The following DCN variants were observed in gnomAD, a reference collection of about 807,000 sequenced individuals.
The protein encoded by DCN is decorin.
Under a neutral mutation model 36.5 loss-of-function variants are expected in DCN, and 17 were observed. That is an observed-to-expected ratio of 0.47 (90% CI 0.32 to 0.70). The LOEUF is 0.70. Among genes scored for constraint, DCN ranks in the 30% least tolerant of loss-of-function variants. The pLI is 0.04. For synonymous variants in DCN, 163 were observed against 161.4 expected, an observed-to-expected ratio of 1.01 and a Z score of -0.07; for missense variants, 389 against 430.1, an observed-to-expected ratio of 0.90 and a Z score of 0.84.
intron 1 of DCN, chr12:91,180,708 CTT>C (rs776960530): frequency 1.2e-4 from 19 of 152,098 alleles, no homozygotes; most frequent in Non-Finnish European, 2.2e-4. Context: ...TAAGAGAAGA[CTT>C]TTGTTTTGGC....
intron 3 of DCN, among the ~76,000 whole-genome samples, chr12:91,158,967 A>G (rs966520148): frequency 4.6e-5 from 7 of 152,332 alleles, no homozygotes; most frequent in Admixed American, 1.3e-4. Context: ...CTCAAAAAAA[A>G]AAAAAGTTAT....
intron 5 of DCN, among the ~76,000 whole-genome samples, chr12:91,154,016 A>C (rs1045090495): frequency 2.0e-5 from 3 of 152,136 alleles, no homozygotes; most frequent in African/African-American, 7.2e-5. Flanking sequence ...TCCACTTAAT[A>C]GCAATAGATA....
intron 5 of DCN, among the ~76,000 whole-genome samples, chr12:91,153,670 G>A (rs1056208953): frequency 6.6e-6 from 1 of 152,068 alleles, no homozygotes; most frequent in African/African-American, 2.4e-5. Flanking sequence ...ATACTGTGCT[G>A]GTCTTAGCCT....
intron 2 of DCN, among the ~76,000 whole-genome samples, chr12:91,173,212 C>A (rs184356687): frequency 9.8e-4 from 149 of 152,148 alleles, no homozygotes; most frequent in African/African-American, 3.4e-3. Flanking sequence ...CTCTTTTACC[C>A]AGGGAATTGA....
chr12:91,152,314 T>C lies in DCN; in HGVS notation c.747-522A>G, dbSNP rs7965489. On this transcript the variant is annotated intron_variant, in intron 6 of 7. Coordinates refer to ENST00000052754, the MANE Select transcript of DCN (RefSeq NM_001920.5). ...ACACACACATGCATATATATATATA[T>C]ACACATTCAAAGATATATTTTATAT... Among the ~76,000 whole-genome samples the C allele has an allele frequency of 8.6e-5, 13 of 152,006 alleles. No homozygotes were observed. In the South Asian group the frequency reaches 1.0e-3, roughly 12 times the overall value.
In DCN at chr12:91,159,324, G is replaced by T. The variant is rs11106021; in HGVS notation, c.325-815C>A. On this transcript the variant is annotated intron_variant, in intron 3 of 7. Coordinates refer to ENST00000052754, the MANE Select transcript of DCN (RefSeq NM_001920.5). Reference sequence around the variant, plus strand: ...ATTTTCCCGTAGCCTTGCAATATTTGATATTATGTTTCTTAAGAGTATGGC... The same window carrying T: ...ATTTTCCCGTAGCCTTGCAATATTTTATATTATGTTTCTTAAGAGTATGGC... Among the ~76,000 whole-genome samples the T allele has an allele frequency of 7.5e-3, 1,136 of 152,052 alleles. 45 individuals carry two copies. In the East Asian group the frequency reaches 0.11, roughly 15 times the overall value.
Position 91,142,759 on chromosome 12 carries a change from G to A in DCN, c.*3299C>T, listed in dbSNP as rs1031990519. 2 of 152,154 alleles carry A rather than the reference G, an allele frequency of 1.3e-5. No homozygotes were observed. The highest frequency in any genetic ancestry group is 4.8e-5 in the African/African-American group (2 of 41,432). 9.4% of individuals were successfully genotyped at this position (152,154 alleles called of 1,614,324 possible). On this transcript the variant is annotated 3_prime_UTR_variant, in exon 8 of 8. Transcript: ENST00000052754. ...GTACAACAGAGGCCTTTCCAACCAG[G>A]AGGGGTCAGAGACAAATTTTTAAGT...
intron 3 of DCN, among the ~76,000 whole-genome samples, chr12:91,163,836 T>G (rs1882319305): frequency 6.6e-6 from 1 of 152,120 alleles, no homozygotes; most frequent in Non-Finnish European, 1.5e-5. Flanking sequence ...ACACCTCTCT[T>G]AGAAAATGCA....
rs1880867443 is a variant in DCN, at chr12:91,144,004, T to A, written c.*2054A>T. 1 of 151,966 alleles carries A rather than the reference T, an allele frequency of 6.6e-6. No individual in the cohort carries two copies. Among genetic ancestry groups the A allele is most frequent in the Non-Finnish European group, 1.5e-5 (1 of 67,968 alleles). 9.4% of individuals were successfully genotyped at this position (151,966 alleles called of 1,614,324 possible). ...TTGACTACTGGAAAAGTGTGTTGGA[T>A]CTGCCTTGCAGATAAGTGTCCAAAA... On this transcript the variant is annotated 3_prime_UTR_variant, in exon 8 of 8. Transcript: ENST00000052754.
chr12:91,165,366 A>G lies in DCN; in HGVS notation c.212-649T>C, dbSNP rs150470281. ...AATGAAATAAATTGGGTAGTATGAC[A>G]TATCTGAAATTAATTTTATGAAGCA... On this transcript the variant is annotated intron_variant, in intron 2 of 7. Transcript: ENST00000052754. Among the ~76,000 whole-genome samples, 228 of 152,326 alleles carry G rather than the reference A, an allele frequency of 1.5e-3. 1 individual carries two copies. Among genetic ancestry groups the G allele is most frequent in the African/African-American group, 5.0e-3 (209 of 41,586 alleles).
chr12:91,169,282 G>C (rs1427794339), intron 2 of DCN, among the ~76,000 whole-genome samples: 3 of 149,678 alleles, frequency 2.0e-5, no homozygotes, highest in Admixed American at 6.7e-5. Flanking sequence ...CCATCTACTC[G>C]GGAAGGAGGA....
intron 2 of DCN, among the ~76,000 whole-genome samples, chr12:91,174,280 GATGGTA>G (rs1565788552): frequency 6.6e-6 from 1 of 151,970 alleles, no homozygotes; most frequent in African/African-American, 2.4e-5. Context: ...GGTGGAGAGA[GATGGTA>G]CTATTTTGTG....
intron 4 of DCN, among the ~76,000 whole-genome samples, chr12:91,157,417 G>C (rs1371114958): frequency 6.6e-6 from 1 of 152,034 alleles, no homozygotes; most frequent in Admixed American, 6.6e-5. Context: ...GAATAATAAT[G>C]ACTTATGAAA....
chr12:91,169,567 G>C (rs1210081053), intron 2 of DCN: 1 of 151,890 alleles, frequency 6.6e-6, no homozygotes, highest in African/African-American at 2.4e-5. Context: ...TCTGGAATTT[G>C]CTTCAAAATG....
At chr12:91,164,400 C>CAAAAAAAAAA (rs5799980) in intron 3 of DCN, among the ~76,000 whole-genome samples, 2 of 78,916 alleles carry the variant, frequency 2.5e-5, no homozygotes, top group East Asian at 5.3e-4. Flanking sequence ...AAGCATAATT[C>CAAAAAAAAAA]AAAAAAAAAA....
At chr12:91,156,979 C>T (rs1229433393) in intron 5 of DCN, 96 bp downstream of exon 5, 1 of 843,074 alleles carries the variant, frequency 1.2e-6, no homozygotes, top group Non-Finnish European at 2.0e-6. Flanking sequence ...AGGTTGGCCT[C>T]TTAGGTGACA....
intron 3 of DCN, among the ~76,000 whole-genome samples, chr12:91,159,453 T>C (rs1882020221): frequency 6.6e-6 from 1 of 152,158 alleles, no homozygotes; most frequent in South Asian, 2.1e-4. Flanking sequence ...TATTGTATTT[T>C]TTGGAGAGAG....
Position 91,146,258 on chromosome 12 carries a change from A to T in DCN, c.886-6T>A. The T allele has an allele frequency of 7.7e-6, 12 of 1,558,092 alleles. No homozygotes were observed. The highest frequency in any genetic ancestry group is 1.1e-5 in the Non-Finnish European group (12 of 1,130,154). On this transcript the variant is annotated splice_region_variant and splice_polypyrimidine_tract_variant and intron_variant, in intron 7 of 7. Transcript: ENST00000052754. ...TTGTTATGAAGGTAGACAACCTACAACATGAAACGATAGAAAATAATTATT... is the reference window on the plus strand; with the variant it reads ...TTGTTATGAAGGTAGACAACCTACATCATGAAACGATAGAAAATAATTATT...
intron 1 of DCN, among the ~76,000 whole-genome samples, chr12:91,181,202 G>A (rs1394013159): frequency 6.6e-6 from 1 of 151,680 alleles, no homozygotes; most frequent in African/African-American, 2.4e-5. Flanking sequence ...CAGAGAGAGA[G>A]TGTATGTGTG....
Sources: gnomAD v4.1 joint callset for allele counts (sites outside exome capture counted in the v4.1 genomes callset) on GRCh38, gnomAD v4.1.1 for gene constraint, MANE v1.5 for transcripts, NCBI Gene and HGNC (gene_info 2026-07-23, HGNC 2026-07-21) for gene names.